Variants in FYN observed in about 807,000 individuals in gnomAD.
The protein encoded by FYN is FYN proto-oncogene, Src family tyrosine kinase.
FYN carries 10 observed loss-of-function variants against 70.2 expected under a neutral mutation model. The ratio of observed to expected loss-of-function variants is 0.14; its 90% CI spans 0.09 to 0.24. FYN has a LOEUF of 0.24. FYN is among the 10% of genes least tolerant of loss of function. FYN has a pLI of 1.00. For synonymous variants in FYN, 236 were observed against 248.6 expected, an observed-to-expected ratio of 0.95 and a Z score of 0.48; for missense variants, 319 against 673.1, an observed-to-expected ratio of 0.47 and a Z score of 5.82.
At position 111,821,565 on chromosome 6, in the gene FYN, C is replaced by T. The variant is rs1052343001; in HGVS notation, c.-82+25024G>A. 1.6e-4 allele frequency among the ~76,000 whole-genome samples: 25 copies of T among 152,132 alleles called. 1 individual carries two copies. Among genetic ancestry groups the T allele is most frequent in the Non-Finnish European group, 4.4e-5 (3 of 68,010 alleles). ...AACCTAGGCAATACCATTCAGGATA[C>T]AGGCATGGGTAATGACTTCATGTCT... On this transcript the variant is annotated intron_variant, in intron 2 of 13. Transcript: ENST00000354650.
At chr6:111,811,714 G>A (rs910827017) in intron 2 of FYN, among the ~76,000 whole-genome samples, 2 of 152,156 alleles carry the variant, frequency 1.3e-5, no homozygotes, top group African/African-American at 2.4e-5. Context: ...ACAAGTTGTA[G>A]CCTGGTTTAA....
At chr6:111,797,358 A>G (rs1368882807) in intron 2 of FYN, among the ~76,000 whole-genome samples, 1 of 152,052 alleles carries the variant, frequency 6.6e-6, no homozygotes, top group Non-Finnish European at 1.5e-5. Flanking sequence ...ATTTTTCCTA[A>G]GGTTTTTTTG....
intron 3 of FYN, among the ~76,000 whole-genome samples, chr6:111,736,683 C>T (rs1801723425): frequency 6.6e-6 from 1 of 152,154 alleles, no homozygotes; most frequent in Admixed American, 6.5e-5. Flanking sequence ...TGCTGATTTC[C>T]AGCCCAAGTG....
chr6:111,683,093 C>A (rs759083420), intron 12 of FYN, among the ~76,000 whole-genome samples: 2 of 152,218 alleles, frequency 1.3e-5, no homozygotes, highest in East Asian at 1.9e-4. Flanking sequence ...CCCTGTGAGG[C>A]GCTCCTGGGA....
intron 2 of FYN, chr6:111,813,929 G>A (rs1372756860): frequency 2.0e-5 from 3 of 152,210 alleles, no homozygotes; most frequent in Non-Finnish European, 4.4e-5. Flanking sequence ...TTGCCAGACA[G>A]AAGGCACAGA....
At chr6:111,674,737 G>A in intron 12 of FYN, 107 bp from the exon 13 acceptor site, 2 of 1,249,990 alleles carry the variant, frequency 1.6e-6, no homozygotes, top group Admixed American at 4.0e-5. Context: ...AGCAGGTTTA[G>A]AGGGGAAGAC....
chr6:111,813,306 AAGAT>A (rs1772384888), intron 2 of FYN, among the ~76,000 whole-genome samples: 1 of 152,224 alleles, frequency 6.6e-6, no homozygotes, highest in African/African-American at 2.4e-5. Context: ...CAATTTAAGA[AAGAT>A]ATACTCACCA....
chr6:111,673,019 A>G (rs968644499), intron 13 of FYN, among the ~76,000 whole-genome samples: 3 of 152,190 alleles, frequency 2.0e-5, no homozygotes, highest in Non-Finnish European at 4.4e-5. Context: ...CAGAAACGCA[A>G]AACAACATTA....
chr6:111,677,544 C>G (rs1798587953), intron 12 of FYN, among the ~76,000 whole-genome samples: 1 of 152,166 alleles, frequency 6.6e-6, no homozygotes, highest in African/African-American at 2.4e-5. Flanking sequence ...AGTGTAAAAT[C>G]CCAGTCTATG....
At chr6:111,721,562 C>A (rs1202124786) in intron 3 of FYN, among the ~76,000 whole-genome samples, 1 of 152,078 alleles carries the variant, frequency 6.6e-6, no homozygotes, top group Non-Finnish European at 1.5e-5. Flanking sequence ...TGCCACCACA[C>A]CCAGCTAATT....
intron 4 of FYN, chr6:111,719,602 C>T: frequency 1.7e-6 from 1 of 594,222 alleles, no homozygotes; most frequent in Admixed American, 3.1e-5. Context: ...CTTGGGGCAC[C>T]TTGCAACCCT....
intron 2 of FYN, among the ~76,000 whole-genome samples, chr6:111,798,172 T>G (rs1357380002): frequency 6.6e-6 from 1 of 152,006 alleles, no homozygotes; most frequent in African/African-American, 2.4e-5. Context: ...AATTTTAAAG[T>G]CAGGAAAAAA....
At chr6:111,663,868 G>C (rs1201888977) in intron 13 of FYN, among the ~76,000 whole-genome samples, 2 of 152,130 alleles carry the variant, frequency 1.3e-5, no homozygotes, top group African/African-American at 2.4e-5. Context: ...GGAGGAACTG[G>C]AGCATGCTCG....
At chr6:111,791,836 G>C (rs1002239865) in intron 2 of FYN, among the ~76,000 whole-genome samples, 1 of 152,270 alleles carries the variant, frequency 6.6e-6, no homozygotes, top group South Asian at 2.1e-4. Flanking sequence ...ATGGGTATCC[G>C]TATGAAAGAA....
intron 5 of FYN, among the ~76,000 whole-genome samples, chr6:111,710,808 T>G (rs975418603): frequency 2.0e-5 from 3 of 152,238 alleles, no homozygotes; most frequent in Admixed American, 2.0e-4. Flanking sequence ...GGATCTCTAC[T>G]ATGTTATCTT....
intron 2 of FYN, among the ~76,000 whole-genome samples, chr6:111,837,267 G>GA (rs1255379220): frequency 1.3e-5 from 2 of 151,884 alleles, no homozygotes; most frequent in Non-Finnish European, 2.9e-5. Flanking sequence ...TCTTGTAAAA[G>GA]AAAAAAATGT....
At chr6:111,833,110 T>C (rs1773072274) in intron 2 of FYN, among the ~76,000 whole-genome samples, 1 of 152,228 alleles carries the variant, frequency 6.6e-6, no homozygotes, top group Admixed American at 6.5e-5. Flanking sequence ...GGTTAGAACT[T>C]ACAAATGAAG....
chr6:111,745,529 A>G (rs1001754183), intron 3 of FYN, among the ~76,000 whole-genome samples: 4 of 152,162 alleles, frequency 2.6e-5, no homozygotes, highest in Admixed American at 6.5e-5. Context: ...CATGCCAGGG[A>G]GCAGCTTTGT....
At chr6:111,690,973 T>C (rs1216895248) in intron 12 of FYN, among the ~76,000 whole-genome samples, 1 of 152,236 alleles carries the variant, frequency 6.6e-6, no homozygotes, top group African/African-American at 2.4e-5. Context: ...ATAACTGATG[T>C]TGGCATTATT....
Sources: gnomAD v4.1 joint callset for allele counts (sites outside exome capture counted in the v4.1 genomes callset) on GRCh38, gnomAD v4.1.1 for gene constraint, MANE v1.5 for transcripts, NCBI Gene and HGNC (gene_info 2026-07-23, HGNC 2026-07-21) for gene names.